Variants in GHR observed in about 807,000 individuals in gnomAD.
The protein encoded by GHR is GH receptor.
A neutral mutation model predicts 67.1 loss-of-function variants in GHR; 35 were observed. The observed-to-expected ratio is 0.52, with a 90% confidence interval of 0.40 to 0.69. The LOEUF is 0.69. Among genes scored for constraint, GHR ranks in the 30% least tolerant of loss-of-function variants. The probability of loss-of-function intolerance (pLI) is 0.00; values close to 1 mark genes in which losing one functional copy is unlikely to be tolerated. For synonymous variants in GHR, 272 were observed against 269.1 expected, an observed-to-expected ratio of 1.01 and a Z score of -0.10; for missense variants, 792 against 764.6, an observed-to-expected ratio of 1.04 and a Z score of -0.42.
intron 3 of GHR, among the ~76,000 whole-genome samples, chr5:42,683,456 A>G (rs1212093754): frequency 3.3e-5 from 5 of 152,210 alleles, no homozygotes; most frequent in Non-Finnish European, 5.9e-5. Flanking sequence ...AGAAGTCTCA[A>G]TCTTTTGTAA....
At chr5:42,654,068 T>C (rs910411338) in intron 3 of GHR, among the ~76,000 whole-genome samples, 1 of 152,148 alleles carries the variant, frequency 6.6e-6, no homozygotes, top group African/African-American at 2.4e-5. Flanking sequence ...TTTTCCCTCA[T>C]CTGTTTAACC....
intron 3 of GHR, among the ~76,000 whole-genome samples, chr5:42,687,932 G>A (rs1028758326): frequency 2.0e-5 from 3 of 152,186 alleles, no homozygotes; most frequent in African/African-American, 7.2e-5. Flanking sequence ...ACAAAAATGT[G>A]TTTTGCTTCA....
chr5:42,719,325 C>T lies in GHR; in HGVS notation c.1818C>T (p.Gly606=), dbSNP rs747589492. ...TSIHIVQSPQ[G]LILNATALPL... is the part of the protein sequence containing the mutation. ...TTCATATAGTACAGTCCCCACAGGG[C>T]CTCATACTCAATGCGACTGCCTTGC... is the stretch of plus-strand genomic sequence containing the variant. Residue 606 remains glycine, a synonymous_variant, in exon 10 of 10, where the codon GGC becomes GGT. Coordinates refer to ENST00000230882, the MANE Select transcript of GHR (RefSeq NM_000163.5). 6 of 1,614,098 alleles carry T rather than the reference C, an allele frequency of 3.7e-6. No individual in the cohort carries two copies. The Admixed American group carries it at 8.3e-5, about 22-fold the overall frequency.
intron 1 of GHR, among the ~76,000 whole-genome samples, chr5:42,462,034 C>A (rs2112047577): frequency 6.6e-6 from 1 of 152,294 alleles, no homozygotes; most frequent in Non-Finnish European, 1.5e-5. Context: ...TACCCAGAGG[C>A]CAAAGCTGCT....
intron 1 of GHR, chr5:42,468,705 T>G: frequency 1.0e-6 from 1 of 976,334 alleles, no homozygotes; most frequent in Non-Finnish European, 1.6e-6. Context: ...GGTCGCAGCC[T>G]GAGCTGCCGC....
intron 1 of GHR, among the ~76,000 whole-genome samples, chr5:42,551,453 C>G (rs780139048): frequency 3.3e-5 from 5 of 152,056 alleles, no homozygotes; most frequent in African/African-American, 7.2e-5. Context: ...GAAACTTGAC[C>G]ATGAAGAAGG....
Position 42,458,825 on chromosome 5 carries a change from G to A in GHR, c.-12+34870G>A, listed in dbSNP as rs146801399. ...CAACCCAATTAAAAAGTGAGCAAAG[G>A]ACATTAACAGACATTTTTCAAAGGA... On this transcript the variant is annotated intron_variant, in intron 1 of 9. Coordinates refer to ENST00000230882, the MANE Select transcript of GHR (RefSeq NM_000163.5). Among the ~76,000 whole-genome samples, 964 of 152,208 alleles carry A rather than the reference G, an allele frequency of 6.3e-3. 9 individuals carry two copies. Among genetic ancestry groups the A allele is most frequent in the African/African-American group, 0.022 (923 of 41,536 alleles).
At chr5:42,533,442 T>C (rs768494574) in intron 1 of GHR, among the ~76,000 whole-genome samples, 65 of 151,980 alleles carry the variant, frequency 4.3e-4, no homozygotes, top group Non-Finnish European at 8.7e-4. Flanking sequence ...ATGGCATCTT[T>C]TAACACACGT....
At chr5:42,649,633 T>G (rs1754916705) in intron 3 of GHR, among the ~76,000 whole-genome samples, 1 of 152,124 alleles carries the variant, frequency 6.6e-6, no homozygotes, top group Non-Finnish European at 1.5e-5. Context: ...GCAACAGACA[T>G]ATGGAAAACT....
intron 1 of GHR, among the ~76,000 whole-genome samples, chr5:42,425,232 A>G (rs1388344627): frequency 6.6e-6 from 1 of 152,190 alleles, no homozygotes; most frequent in African/African-American, 2.4e-5. Flanking sequence ...TGAGTACAGA[A>G]CTTCGGAGAC....
At chr5:42,594,495 A>C (rs139768987) in intron 2 of GHR, among the ~76,000 whole-genome samples, 3 of 152,164 alleles carry the variant, frequency 2.0e-5, no homozygotes, top group African/African-American at 7.2e-5. Context: ...TGTGAAGACT[A>C]CATTGGATAT....
At chr5:42,542,822 T>G (rs544485019) in intron 1 of GHR, among the ~76,000 whole-genome samples, 1 of 152,202 alleles carries the variant, frequency 6.6e-6, no homozygotes, top group East Asian at 1.9e-4. Context: ...GTCCATTATA[T>G]CACTCTGTAT....
intron 1 of GHR, among the ~76,000 whole-genome samples, chr5:42,498,361 G>C (rs1252705644): frequency 6.6e-6 from 1 of 152,122 alleles, no homozygotes; most frequent in Non-Finnish European, 1.5e-5. Flanking sequence ...AGGGAGAAAG[G>C]GATGATTTAT....
At chr5:42,592,336 T>G (rs950345664) in intron 2 of GHR, among the ~76,000 whole-genome samples, 2 of 152,046 alleles carry the variant, frequency 1.3e-5, no homozygotes, top group African/African-American at 4.8e-5. Context: ...GCCATGGGAG[T>G]TTGGGGCATA....
chr5:42,714,893 G>A (rs1387303876), intron 8 of GHR, among the ~76,000 whole-genome samples: 1 of 152,110 alleles, frequency 6.6e-6, no homozygotes, highest in Non-Finnish European at 1.5e-5. Flanking sequence ...AACTTCAGTA[G>A]ATAAACTCAC....
chr5:42,468,083 CG>C, intron 1 of GHR: 2 of 1,021,568 alleles, frequency 2.0e-6, no homozygotes, highest in Non-Finnish European at 3.0e-6. Context: ...AGCTTCCTCA[CG>C]TATCTCAGTT....
At chr5:42,468,442 T>A in intron 1 of GHR, 1 of 928,928 alleles carries the variant, frequency 1.1e-6, no homozygotes, top group Non-Finnish European at 1.6e-6. Flanking sequence ...CCAAGATGAG[T>A]ATTGCCTACG....
At chr5:42,662,869 A>G (rs1395048568) in intron 3 of GHR, among the ~76,000 whole-genome samples, 1 of 152,186 alleles carries the variant, frequency 6.6e-6, no homozygotes, top group Non-Finnish European at 1.5e-5. Context: ...CAAGACTAAT[A>G]AAGAAGAAAA....
At chr5:42,580,651 T>C (rs1751115841) in intron 2 of GHR, among the ~76,000 whole-genome samples, 1 of 152,196 alleles carries the variant, frequency 6.6e-6, no homozygotes, top group Non-Finnish European at 1.5e-5. Flanking sequence ...AATTAAACGA[T>C]GTAGCCAAGA....
Sources: allele counts gnomAD v4.1 joint callset (sites outside exome capture counted in the v4.1 genomes callset), GRCh38; gene constraint gnomAD v4.1.1; transcripts MANE v1.5; gene names NCBI Gene and HGNC (gene_info 2026-07-23, HGNC 2026-07-21).